Variants in ASNS observed in about 807,000 individuals in gnomAD.
ASNS encodes the protein asparagine synthetase (glutamine-hydrolyzing).
A neutral mutation model predicts 62.6 loss-of-function variants in ASNS; 37 were observed. The observed-to-expected ratio is 0.59, with a 90% CI of 0.45 to 0.78. The LOEUF (loss-of-function observed/expected upper bound fraction) is 0.78, where lower values mean the gene tolerates loss of function less well. Among genes scored for constraint, ASNS ranks in the 30% least tolerant of loss-of-function variants. The pLI is 0.00. For missense variants in ASNS, 520 were observed against 682.4 expected, an observed-to-expected ratio of 0.76 and a Z score of 2.65; for synonymous variants, 207 against 237.9, an observed-to-expected ratio of 0.87 and a Z score of 1.19.
At chr7:97,855,927 C>T (rs1226295415) in intron 8 of ASNS, among the ~76,000 whole-genome samples, 1 of 152,166 alleles carries the variant, frequency 6.6e-6, no homozygotes, top group Non-Finnish European at 1.5e-5. Context: ...ATTAAACTTG[C>T]CTCCTTGGTC....
chr7:97,889,095 A>G, the ASNS span, among the ~76,000 whole-genome samples: 1 of 152,200 alleles, frequency 6.6e-6, no homozygotes, highest in South Asian at 2.1e-4. Context: ...GGCTATCATC[A>G]GTGCCCACAA....
Position 97,869,004 on chromosome 7 carries a change from C to T in ASNS, c.153G>A (p.Ala51=), listed in dbSNP as rs143288271. The T allele has an allele frequency of 1.3e-4, 209 of 1,614,050 alleles. No individual in the cohort carries two copies. Among genetic ancestry groups the T allele is most frequent in the Non-Finnish European group, 1.7e-4 (197 of 1,180,038 alleles). Residue 51 remains alanine, a synonymous_variant, in exon 3 of 13, where the codon GCG becomes GCA. Transcript: ENST00000394308. ...GCATTCCAAACAGCGGGTCAACTAC[C>T]GCCAACCGGTGAAATCCAAAGCAGC... ...TNCCFGFHRL[A]VVDPLFGMQP...
At chr7:97,874,620 T>C (rs1334524539), upstream of ASNS, among the ~76,000 whole-genome samples, 2 of 152,250 alleles carry the variant, frequency 1.3e-5, no homozygotes, top group Non-Finnish European at 2.9e-5. Context: ...ATCTTCATAA[T>C]CCACGTTCTT....
At chr7:97,854,505 G>T (rs1355747769) in intron 10 of ASNS, 75 bp downstream of exon 10, 1 of 1,548,482 alleles carries the variant, frequency 6.5e-7, no homozygotes, top group East Asian at 2.2e-5. Flanking sequence ...TTTTCTCAGG[G>T]TATTGAGCTT....
chr7:97,852,432 A>C lies in ASNS; in HGVS notation c.1513T>G (p.Phe505Val). The C allele has an allele frequency of 6.2e-7, 1 of 1,614,158 alleles. No individual in the cohort carries two copies. Among genetic ancestry groups the C allele is most frequent in the Non-Finnish European group, 8.5e-7 (1 of 1,180,024 alleles). ...TTGGTTTTAGGAGTATTGAAGGGAA[A>C]TTTCTGGGCTGCATTTGCCATCATT... is the stretch of plus-strand genomic sequence containing the variant. Reference protein sequence around the residue: ...DAMMANAAQKFPFNTPKTKEG... With the variant: ...DAMMANAAQKVPFNTPKTKEG... The change falls in exon 13 of 13, where the codon TTT (phenylalanine) becomes GTT (valine). Residue 505 changes from phenylalanine to valine, a missense_variant. Physicochemically the swap from Phe to Val is conservative, Grantham distance 50. Coordinates refer to ENST00000394308, the MANE Select transcript of ASNS (RefSeq NM_001673.5).
At chr7:97,923,406 C>G in the ASNS span, among the ~76,000 whole-genome samples, 1 of 152,022 alleles carries the variant, frequency 6.6e-6, no homozygotes, top group Non-Finnish European at 1.5e-5. Flanking sequence ...CCTGGCCAAA[C>G]CTCATCTCCA....
At chr7:97,870,908 G>C (rs1259035034) in intron 1 of ASNS, among the ~76,000 whole-genome samples, 1 of 152,112 alleles carries the variant, frequency 6.6e-6, no homozygotes, top group Non-Finnish European at 1.5e-5. Context: ...ATTTTTTCTA[G>C]TAGGAAAAAG....
chr7:97,855,064 A>G (rs1237883544), intron 9 of ASNS: 16 of 387,736 alleles, frequency 4.1e-5, no homozygotes, highest in Middle Eastern at 7.5e-4. Flanking sequence ...TGCAGCCTCA[A>G]TCTCCTGGGT....
chr7:97,874,862 T>G (rs1412177762), upstream of ASNS, among the ~76,000 whole-genome samples: 5 of 152,118 alleles, frequency 3.3e-5, no homozygotes, highest in African/African-American at 7.2e-5. Context: ...TCTTGCCTGA[T>G]GTTCTTTGCA....
intron 3 of ASNS, among the ~76,000 whole-genome samples, chr7:97,865,305 T>A (rs1309589571): frequency 3.3e-5 from 5 of 152,236 alleles, no homozygotes; most frequent in Admixed American, 2.0e-4. Flanking sequence ...CCTACAATGC[T>A]GCGTTTTGAT....
chr7:97,860,513 A>C (rs760242929), intron 4 of ASNS, among the ~76,000 whole-genome samples: 9 of 152,170 alleles, frequency 5.9e-5, no homozygotes, highest in Non-Finnish European at 4.4e-5. Context: ...GTTCTTTGCC[A>C]TCTGATCACA....
At chr7:97,912,740 A>G in the ASNS span, among the ~76,000 whole-genome samples, 1 of 150,410 alleles carries the variant, frequency 6.6e-6, no homozygotes. Context: ...ACGCCACCAC[A>G]CCTGGCTAAT....
chr7:97,900,360 CAAAAAAAA>C, the ASNS span, among the ~76,000 whole-genome samples: 3 of 89,384 alleles, frequency 3.4e-5, no homozygotes, highest in South Asian at 4.1e-4. Flanking sequence ...GACTTTGTCT[CAAAAAAAA>C]AAAAAAAAAA....
At chr7:97,866,353 G>C (rs1791967254) in intron 3 of ASNS, among the ~76,000 whole-genome samples, 1 of 152,198 alleles carries the variant, frequency 6.6e-6, no homozygotes, top group Admixed American at 6.5e-5. Flanking sequence ...CACCACTGCA[G>C]CAGCATTAAA....
Position 97,864,362 on chromosome 7 carries a change from A to C in ASNS, c.384T>G (p.Thr128=). Residue 128 remains threonine (T), a synonymous_variant, in exon 4 of 13, where the codon ACT becomes ACG. Coordinates refer to ENST00000394308, the MANE Select transcript of ASNS (RefSeq NM_001673.5). ...DGVFAFVLLD[T]ANKKVFLGRD... ...TACCCAGGAACACTTTCTTATTGGC[A>C]GTATCCAGTAAAACAAATGCAAACA... 1 of 1,613,938 alleles carries C rather than the reference A, an allele frequency of 6.2e-7. No homozygotes were observed. Among genetic ancestry groups the C allele is most frequent in the Non-Finnish European group, 8.5e-7 (1 of 1,179,886 alleles).
the ASNS span, among the ~76,000 whole-genome samples, chr7:97,879,702 G>A: frequency 6.6e-6 from 1 of 152,228 alleles, no homozygotes; most frequent in African/African-American, 2.4e-5. Context: ...AGCCCTGGCT[G>A]ACATTATGGT....
the ASNS span, among the ~76,000 whole-genome samples, chr7:97,896,907 T>C: frequency 6.6e-6 from 1 of 150,446 alleles, no homozygotes; most frequent in African/African-American, 2.4e-5. Flanking sequence ...GTCAAGAACA[T>C]ACATTGAATA....
the ASNS span, among the ~76,000 whole-genome samples, chr7:97,891,239 C>T: frequency 6.6e-6 from 1 of 152,232 alleles, no homozygotes; most frequent in Admixed American, 6.5e-5. Flanking sequence ...AACCATCACA[C>T]CTTGTGAGAC....
At chr7:97,853,843 C>T (rs1202616398) in intron 10 of ASNS, among the ~76,000 whole-genome samples, 1 of 152,152 alleles carries the variant, frequency 6.6e-6, no homozygotes, top group Non-Finnish European at 1.5e-5. Context: ...ACCAGTGTCC[C>T]ACTATATTTC....
Sources: allele counts gnomAD v4.1 joint callset (sites outside exome capture counted in the v4.1 genomes callset), GRCh38; gene constraint gnomAD v4.1.1; transcripts MANE v1.5; gene names NCBI Gene and HGNC (gene_info 2026-07-23, HGNC 2026-07-21).